The following LRRTM3 variants were observed in gnomAD, a reference collection of about 807,000 sequenced individuals.
LRRTM3 encodes the protein leucine-rich repeat transmembrane neuronal protein 3.
Under a neutral mutation model 44.7 loss-of-function variants are expected in LRRTM3, and 24 were observed. That is an observed-to-expected ratio of 0.54 (90% CI 0.39 to 0.76). The LOEUF (loss-of-function observed/expected upper bound fraction) is 0.76, where lower values mean the gene tolerates loss of function less well. Among genes scored for constraint, LRRTM3 ranks in the 30% least tolerant of loss-of-function variants. The probability of loss-of-function intolerance (pLI) is 0.00; values close to 1 mark genes in which losing one functional copy is unlikely to be tolerated. For missense variants in LRRTM3, 587 were observed against 702.2 expected, an observed-to-expected ratio of 0.84 and a Z score of 1.85; for synonymous variants, 277 against 278.7, an observed-to-expected ratio of 0.99 and a Z score of 0.06.
At chr10:66,950,089 C>T (rs1848462264) in intron 2 of LRRTM3, among the ~76,000 whole-genome samples, 1 of 152,174 alleles carries the variant, frequency 6.6e-6, no homozygotes, top group Non-Finnish European at 1.5e-5. Flanking sequence ...CTTTGAACGT[C>T]TCCTTCAGGG....
intron 2 of LRRTM3, among the ~76,000 whole-genome samples, chr10:66,946,778 C>G (rs1168423082): frequency 2.6e-5 from 4 of 152,056 alleles, no homozygotes; most frequent in African/African-American, 9.7e-5. Flanking sequence ...CACCCAGGCA[C>G]ACACATAGAA....
rs1851936209 is a variant in LRRTM3 at position 67,005,687 on chromosome 10, T to TTTTTTTTTTTTTG, written c.1536+77247_1536+77248insGTTTTTTTTTTTT. Among the ~76,000 whole-genome samples the TTTTTTTTTTTTTG allele has an allele frequency of 2.1e-4, 21 of 102,322 alleles. 2 individuals carry two copies. Among genetic ancestry groups the TTTTTTTTTTTTTG allele is most frequent in the African/African-American group, 6.5e-4 (21 of 32,448 alleles). 67.1% of individuals were successfully genotyped at this position (102,322 alleles called of 152,430 possible). On this transcript the variant is annotated intron_variant, in intron 2 of 2. Coordinates refer to ENST00000361320, the MANE Select transcript of LRRTM3 (RefSeq NM_178011.5). ...TTTTGTTTATTTTACTCCATCTTTT[T>TTTTTTTTTTTTTG]TTTTTTTTTTTTTTTTGAGACGGAG...
chr10:67,090,567 T>C (rs1857571306), intron 2 of LRRTM3, among the ~76,000 whole-genome samples: 1 of 152,050 alleles, frequency 6.6e-6, no homozygotes. Flanking sequence ...ACTAGACGAG[T>C]GATTTTATAC....
At chr10:66,985,720 GTTTA>G (rs1030413572) in intron 2 of LRRTM3, among the ~76,000 whole-genome samples, 1 of 151,944 alleles carries the variant, frequency 6.6e-6, no homozygotes, top group Middle Eastern at 3.2e-3. Flanking sequence ...CTTTCTGTTT[GTTTA>G]TTTGTTTGTT....
intron 2 of LRRTM3, among the ~76,000 whole-genome samples, chr10:67,076,652 G>A (rs1467457599): frequency 1.3e-5 from 2 of 152,084 alleles, no homozygotes; most frequent in African/African-American, 2.4e-5. Context: ...GATAAATAAG[G>A]CATGAAAATA....
intron 2 of LRRTM3, among the ~76,000 whole-genome samples, chr10:66,971,515 G>T (rs1849724380): frequency 6.6e-6 from 1 of 152,102 alleles, no homozygotes; most frequent in Non-Finnish European, 1.5e-5. Flanking sequence ...TTTATAATTT[G>T]TATGGCTTTG....
At chr10:67,008,395 C>A (rs1852130663) in intron 2 of LRRTM3, among the ~76,000 whole-genome samples, 1 of 152,062 alleles carries the variant, frequency 6.6e-6, no homozygotes, top group South Asian at 2.1e-4. Flanking sequence ...TAGTTGGAAT[C>A]CCTCCATACC....
chr10:67,089,244 T>G (rs2131902882), intron 2 of LRRTM3, among the ~76,000 whole-genome samples: 1 of 152,172 alleles, frequency 6.6e-6, no homozygotes, highest in East Asian at 1.9e-4. Context: ...TAAGAAAATA[T>G]AAAAATTAAG....
intron 2 of LRRTM3, among the ~76,000 whole-genome samples, chr10:67,044,773 A>G (rs1175415429): frequency 3.9e-5 from 6 of 152,224 alleles, no homozygotes; most frequent in Non-Finnish European, 8.8e-5. Context: ...AGCATGATTC[A>G]GCCTAGCACA....
At chr10:66,945,589 G>A (rs371313504) in intron 2 of LRRTM3, among the ~76,000 whole-genome samples, 2 of 152,176 alleles carry the variant, frequency 1.3e-5, no homozygotes, top group East Asian at 3.9e-4. Context: ...CACTGGAGTA[G>A]CACTTTTCAT....
rs572396086 is a variant in LRRTM3 at position 66,928,128 on chromosome 10, C to T, written c.1212C>T (p.Pro404=). 2 of 1,613,940 alleles carry T rather than the reference C, an allele frequency of 1.2e-6. No homozygotes were observed. Among genetic ancestry groups the T allele is most frequent in the Middle Eastern group, 1.6e-4 (1 of 6,062 alleles). Residue 404 remains proline, a synonymous_variant, in exon 2 of 3, where the codon CCC becomes CCT. Transcript: ENST00000361320. ...PLPPTVGATE[P]GPETDADAEH... ...CCCCGACGGTGGGAGCCACAGAGCC[C>T]GGCCCAGAGACCGATGCTGACGCCG...
intron 2 of LRRTM3, among the ~76,000 whole-genome samples, chr10:66,958,122 T>C (rs1156977703): frequency 6.6e-6 from 1 of 152,118 alleles, no homozygotes; most frequent in Non-Finnish European, 1.5e-5. Flanking sequence ...ATTAAGAATC[T>C]GAGCCAGATA....
intron 2 of LRRTM3, among the ~76,000 whole-genome samples, chr10:66,974,599 G>T (rs1849922016): frequency 6.6e-6 from 1 of 152,116 alleles, no homozygotes; most frequent in Non-Finnish European, 1.5e-5. Flanking sequence ...CTTCAAAGTG[G>T]TTATTCCATT....
intron 2 of LRRTM3, among the ~76,000 whole-genome samples, chr10:66,958,695 C>A (rs1848962243): frequency 6.6e-6 from 1 of 152,094 alleles, no homozygotes; most frequent in African/African-American, 2.4e-5. Context: ...AATTCCAGCA[C>A]CAGAGCCAAA....
chr10:67,002,266 C>CAA lies in LRRTM3; in HGVS notation c.1536+73816_1536+73817dup, dbSNP rs565150910. ...TATCTATAATATTCTACTTATATAT[C>CAA]AAACTGCCCTCGCCTTTGCCAAAGC... is the stretch of plus-strand genomic sequence containing the variant. On this transcript the variant is annotated intron_variant, in intron 2 of 2. Transcript: ENST00000361320. Among the ~76,000 whole-genome samples, 11 of 152,236 alleles carry CAA rather than the reference C, an allele frequency of 7.2e-5. No individual in the cohort carries two copies. The East Asian group carries it at 1.9e-3, about 27-fold the overall frequency.
intron 2 of LRRTM3, among the ~76,000 whole-genome samples, chr10:66,959,236 T>C (rs1848991513): frequency 6.6e-6 from 1 of 152,166 alleles, no homozygotes; most frequent in Non-Finnish European, 1.5e-5. Context: ...CCTCTTCCTC[T>C]CTATAGAATT....
intron 2 of LRRTM3, among the ~76,000 whole-genome samples, chr10:67,074,342 CTTTTTTTTTTT>C (rs36186252): frequency 4.4e-5 from 3 of 68,726 alleles, no homozygotes; most frequent in African/African-American, 1.4e-4. Flanking sequence ...CACTTTAACT[CTTTTTTTTTTT>C]TTTTTTTTTT....
rs758644488 is a variant in LRRTM3 at position 66,927,469 on chromosome 10, C to G, written c.553C>G (p.Leu185Val). 1.9e-6 allele frequency: 3 copies of G among 1,614,102 alleles called. No homozygotes were observed. The South Asian group carries it at 3.3e-5, about 18-fold the overall frequency. ...ATTCCAAGACTGCCGCAACCTGGAA[C>G]TTTTGGACCTGGGATATAACCGGAT... ...RIFQDCRNLELLDLGYNRIRS... is the reference protein window; with the variant it reads ...RIFQDCRNLEVLDLGYNRIRS... The change falls in exon 2 of 3, where the codon CTT becomes GTT. Residue 185 changes from leucine (L) to valine (V), a missense_variant. Leu to Val is a conservative substitution (Grantham distance 32). Transcript: ENST00000361320. This position sits in a 1 kb window ranked among gnomAD's most constrained non-coding sequence, Gnocchi z 4.7.
chr10:67,009,809 C>T (rs757953507), intron 2 of LRRTM3, among the ~76,000 whole-genome samples: 7 of 152,274 alleles, frequency 4.6e-5, no homozygotes, highest in African/African-American at 7.2e-5. Flanking sequence ...CAGGTCACAC[C>T]TCTCCATCTG....
Sources: gnomAD v4.1 joint callset for allele counts (sites outside exome capture counted in the v4.1 genomes callset) on GRCh38, gnomAD v4.1.1 for gene constraint, Gnocchi (gnomAD v3.1) non-coding constraint, MANE v1.5 for transcripts, NCBI Gene and HGNC (gene_info 2026-07-23, HGNC 2026-07-21) for gene names.